The following HELZ variants were observed in gnomAD, a reference collection of about 807,000 sequenced individuals.
HELZ encodes ATP-dependent RNA helicase with zinc finger domain.
In HELZ, 23 loss-of-function variants were observed where a neutral mutation model predicts 218.2. That is an observed-to-expected ratio of 0.11 (90% CI 0.08 to 0.15). The LOEUF (loss-of-function observed/expected upper bound fraction) is 0.15. Among genes scored for constraint, HELZ ranks in the 10% least tolerant of loss-of-function variants. The probability of loss-of-function intolerance (pLI) is 1.00; values close to 1 mark genes in which losing one functional copy is unlikely to be tolerated. For synonymous variants in HELZ, 814 were observed against 829.4 expected, an observed-to-expected ratio of 0.98 and a Z score of 0.32; for missense variants, 1,813 against 2,353.7, an observed-to-expected ratio of 0.77 and a Z score of 4.75.
Position 67,190,230 on chromosome 17 carries a change from T to A in HELZ, c.683A>T (p.Asn228Ile), listed in dbSNP as rs781464008. ...CATGTAACTGCCTGAGAGCTGTTTA[T>A]TCTCATTTTGCTGTTTCAATTTTAT... is the stretch of plus-strand genomic sequence containing the variant. ...RLIKLKQQNE[N>I]KQLSGSYMET... Residue 228 changes from asparagine to isoleucine, a missense_variant, in exon 10 of 33, where the codon AAT becomes ATT. Physicochemically the swap from Asn to Ile is moderately radical, Grantham distance 149 (BLOSUM62 -3). Transcript: ENST00000358691. 1.3e-5 allele frequency: 21 copies of A among 1,613,874 alleles called. No homozygotes were observed. The South Asian group carries it at 2.3e-4, about 18-fold the overall frequency.
chr17:67,113,411 C>T (rs1274232933), intron 28 of HELZ, among the ~76,000 whole-genome samples: 1 of 152,082 alleles, frequency 6.6e-6, no homozygotes, highest in East Asian at 1.9e-4. Flanking sequence ...AGGCGCCCGC[C>T]ACCACGCCCG....
At position 67,089,722 on chromosome 17, in the gene HELZ, C is replaced by CAGAG. The variant is rs2036521420; in HGVS notation, c.5242-2645_5242-2642dup. Among the ~76,000 whole-genome samples the CAGAG allele has an allele frequency of 6.3e-4, 50 of 79,200 alleles. 1 individual carries two copies. Among genetic ancestry groups the CAGAG allele is most frequent in the Admixed American group, 2.6e-3 (21 of 7,976 alleles). The allele number at this position is 79,200 out of a possible 152,430, so 52.0% of individuals were successfully genotyped here. A position where few individuals can be genotyped will look rare whatever the true frequency, so the allele number is the denominator to read the frequency against. On this transcript the variant is annotated intron_variant, in intron 31 of 32. Transcript: ENST00000358691. ...AGAGACAGAGAGACAGAGAGAGAGA[C>CAGAG]AGAGACAGAGAGATTGATTGATTTT...
intron 18 of HELZ, 56 bp from the exon 19 acceptor site, chr17:67,150,041 A>T (rs1378124161): frequency 6.1e-6 from 6 of 976,194 alleles, no homozygotes; most frequent in Non-Finnish European, 7.9e-6. Context: ...CAAAGGCAGA[A>T]GGACTATAGT....
rs778300702 is a variant in HELZ at position 67,108,628 on chromosome 17, C to T, written c.4588G>A (p.Ala1530Thr). 37 of 1,613,846 alleles carry T rather than the reference C, an allele frequency of 2.3e-5. No homozygotes were observed. The Middle Eastern group carries it at 4.9e-4, about 22-fold the overall frequency. Reference protein sequence around the residue: ...EHHAFLSQGSAPYPHHHHPHL... With the variant: ...EHHAFLSQGSTPYPHHHHPHL... ...GGATGGTGATGGTGTGGGTATGGAG[C>T]GCTGCCCTGACTGAGAAAGGCATGA... The change falls in exon 30 of 33, where the codon GCT becomes ACT. Residue 1530 changes from alanine to threonine, a missense_variant. This residue lies in a region of HELZ where 938 missense variants were observed against 1,027.5 expected (regional missense o/e 0.91). Transcript: ENST00000358691. This position sits in a 1 kb window ranked among gnomAD's most constrained non-coding sequence, Gnocchi z 4.1.
intron 22 of HELZ, among the ~76,000 whole-genome samples, chr17:67,136,458 A>G (rs1272957959): frequency 6.6e-6 from 1 of 152,200 alleles, no homozygotes; most frequent in South Asian, 2.1e-4. Context: ...ACATACTCAA[A>G]AGAACTGAAA....
intron 13 of HELZ, 152 bp from the exon 14 acceptor site, chr17:67,167,948 G>T (rs984399066): frequency 3.2e-6 from 2 of 623,794 alleles, no homozygotes; most frequent in Admixed American, 3.5e-5. Context: ...GTATTTTTCT[G>T]CCTTTAATAC....
intron 21 of HELZ, among the ~76,000 whole-genome samples, chr17:67,144,567 G>A (rs1196264998): frequency 6.6e-6 from 1 of 151,658 alleles, no homozygotes; most frequent in East Asian, 1.9e-4. Context: ...AGGTTTCCTG[G>A]GAAACACACC....
chr17:67,213,588 C>T, intron 5 of HELZ, among the ~76,000 whole-genome samples: 1 of 152,060 alleles, frequency 6.6e-6, no homozygotes, highest in East Asian at 1.9e-4. Flanking sequence ...CGCCACTGCA[C>T]TCCAGCCTGA....
chr17:67,089,923 T>C (rs999357965), intron 31 of HELZ, among the ~76,000 whole-genome samples: 1 of 151,944 alleles, frequency 6.6e-6, no homozygotes, highest in Non-Finnish European at 1.5e-5. Flanking sequence ...TCTTGCCTTA[T>C]TGCACTGGCT....
Position 67,200,896 on chromosome 17 carries a change from T to G in HELZ, c.429+233A>C, listed in dbSNP as rs1414941418. The G allele has an allele frequency of 6.1e-6, 3 of 492,754 alleles. No homozygotes were observed. The Admixed American group carries it at 9.9e-5, about 16-fold the overall frequency. 30.5% of individuals were successfully genotyped at this position (492,754 alleles called of 1,614,324 possible). A position where few individuals can be genotyped will look rare whatever the true frequency, so the allele number is the denominator to read the frequency against. ...CTAATAAGATACCAGTTCTGTCCAC[T>G]AGGGACAGAAGATAAGCCCTGGCAC... On this transcript the variant is annotated intron_variant, in intron 7 of 32. Coordinates refer to ENST00000358691, the MANE Select transcript of HELZ (RefSeq NM_014877.4).
intron 17 of HELZ, among the ~76,000 whole-genome samples, chr17:67,152,255 G>A (rs2038706770): frequency 1.3e-5 from 2 of 152,166 alleles, no homozygotes; most frequent in South Asian, 4.1e-4. Context: ...ATGAACCTGA[G>A]AAGTCGTACA....
At chr17:67,191,056 C>T (rs1322351979) in intron 9 of HELZ, among the ~76,000 whole-genome samples, 1 of 151,018 alleles carries the variant, frequency 6.6e-6, no homozygotes, top group Non-Finnish European at 1.5e-5. Flanking sequence ...ATTTGCTGCT[C>T]ACACACAGGT....
chr17:67,113,528 G>A (rs1359584571), intron 28 of HELZ, among the ~76,000 whole-genome samples: 2 of 152,144 alleles, frequency 1.3e-5, no homozygotes, highest in African/African-American at 2.4e-5. Context: ...TCAAAGTGCT[G>A]GGATTACAGG....
At chr17:67,176,103 T>C (rs547629277) in intron 13 of HELZ, among the ~76,000 whole-genome samples, 77 of 152,292 alleles carry the variant, frequency 5.1e-4, no homozygotes, top group African/African-American at 1.8e-3. Context: ...GAGGAATATA[T>C]GGTCATTATG....
At chr17:67,238,777 G>A (rs981382286) in intron 3 of HELZ, among the ~76,000 whole-genome samples, 1 of 152,182 alleles carries the variant, frequency 6.6e-6, no homozygotes, top group African/African-American at 2.4e-5. Flanking sequence ...CATTTTCTAA[G>A]TGTAATAATG....
At chr17:67,240,253 C>T (rs2041284928) in intron 2 of HELZ, among the ~76,000 whole-genome samples, 1 of 152,172 alleles carries the variant, frequency 6.6e-6, no homozygotes, top group Admixed American at 6.5e-5. Flanking sequence ...ATGACCATGC[C>T]TTTTCTGACT....
At chr17:67,134,544 ATT>A (rs1216702677) in intron 23 of HELZ, among the ~76,000 whole-genome samples, 1 of 151,802 alleles carries the variant, frequency 6.6e-6, no homozygotes, top group Non-Finnish European at 1.5e-5. Flanking sequence ...TAAAAAAGAA[ATT>A]TTTTTTTCAT....
intron 5 of HELZ, among the ~76,000 whole-genome samples, chr17:67,212,334 A>AAAAAAAAAAAAAAAAAAAC (rs1241584604): frequency 6.7e-6 from 1 of 148,628 alleles, no homozygotes; most frequent in Non-Finnish European, 1.5e-5. Context: ...AAAAAAAAAA[A>AAAAAAAAAAAAAAAAAAAC]AGGCTACACT....
intron 31 of HELZ, among the ~76,000 whole-genome samples, chr17:67,098,508 G>A (rs1015392634): frequency 2.0e-5 from 3 of 151,966 alleles, no homozygotes; most frequent in African/African-American, 7.3e-5. Context: ...GCCAAGGTGG[G>A]CGGATCACCT....
Sources: allele counts gnomAD v4.1 joint callset (sites outside exome capture counted in the v4.1 genomes callset), GRCh38; gene constraint gnomAD v4.1.1; regional missense constraint gnomAD v4.1.1; non-coding constraint Gnocchi (gnomAD v3.1); transcripts MANE v1.5; gene names NCBI Gene and HGNC (gene_info 2026-07-23, HGNC 2026-07-21).